Variants in POU2F1 observed in about 807,000 individuals in gnomAD.
The protein encoded by POU2F1 is POU class 2 homeobox 1.
Under a neutral mutation model 84.9 loss-of-function variants are expected in POU2F1, and 16 were observed. That is an observed-to-expected ratio of 0.19 (90% CI 0.13 to 0.29). POU2F1 has a LOEUF of 0.29. POU2F1 is among the 10% of genes least tolerant of loss of function. The probability of loss-of-function intolerance (pLI) is 1.00; values close to 1 mark genes in which losing one functional copy is unlikely to be tolerated. For synonymous variants in POU2F1, 368 were observed against 368.3 expected (o/e 1.00, Z 0.01); for missense variants, 738 against 942.6 (o/e 0.78, Z 2.84).
In POU2F1 at chr1:167,266,301, G is replaced by A. The variant is rs544704974; in HGVS notation, c.61+45343G>A. Among the ~76,000 whole-genome samples the A allele has an allele frequency of 1.1e-3, 174 of 152,284 alleles. 3 individuals are homozygous for A. Among genetic ancestry groups the A allele is most frequent in the Non-Finnish European group, 7.8e-4 (53 of 68,028 alleles). ...AAATTATCTTCCGAAGGTGGATTTG[G>A]AAATATCCAGTGCTTTCTGAATGCA... On this transcript the variant is annotated intron_variant, in intron 1 of 15. Transcript: ENST00000367866.
intron 1 of POU2F1, among the ~76,000 whole-genome samples, chr1:167,292,482 T>TAA (rs775819541): frequency 2.2e-5 from 3 of 135,866 alleles, no homozygotes; most frequent in Admixed American, 7.4e-5. Flanking sequence ...TGAATCAGTT[T>TAA]AAAAAAAAAA....
rs71073663 is a variant in POU2F1 at position 167,299,163 on chromosome 1, CAAAA to C, written c.62-33289_62-33286del. On this transcript the variant is annotated intron_variant, in intron 1 of 15. Transcript: ENST00000367866. The stretch of plus-strand genomic sequence containing the variant: ...GGACAACAAGAGTGAAACGCCATCT[CAAAA>C]AAAAAAAAAAAAAAAAAGAATTATG... 1.9e-3 allele frequency among the ~76,000 whole-genome samples: 186 copies of C among 96,820 alleles called. 2 individuals are homozygous for C. The highest frequency in any genetic ancestry group is 6.3e-3 in the South Asian group (19 of 3,018). 63.5% of individuals were successfully genotyped at this position (96,820 alleles called of 152,430 possible).
At position 167,426,159 on chromosome 1, in the gene POU2F1, G is replaced by A. The variant is rs781356188; in HGVS notation, c.*10349G>A. ...AACCTTAGACTCGTGTATTAAGTAC[G>A]ATTACCCAGCACTTGCATTAGTCTA... On this transcript the variant is annotated 3_prime_UTR_variant, in exon 16 of 16. Coordinates refer to ENST00000367866, the MANE Select transcript of POU2F1 (RefSeq NM_002697.4). 9 of 151,974 alleles carry A rather than the reference G, an allele frequency of 5.9e-5. No individual in the cohort carries two copies. Among genetic ancestry groups the A allele is most frequent in the African/African-American group, 1.7e-4 (7 of 41,344 alleles). 9.4% of individuals were successfully genotyped at this position (151,974 alleles called of 1,614,324 possible).
chr1:167,340,513 C>T (rs1412940675), intron 2 of POU2F1, among the ~76,000 whole-genome samples: 1 of 148,432 alleles, frequency 6.7e-6, no homozygotes, highest in African/African-American at 2.5e-5. Context: ...CTCACTGCAA[C>T]CTCCACCTCC....
intron 1 of POU2F1, among the ~76,000 whole-genome samples, chr1:167,230,906 TAAG>T (rs1649019279): frequency 6.6e-6 from 1 of 152,210 alleles, no homozygotes; most frequent in Non-Finnish European, 1.5e-5. Flanking sequence ...TTTTTCAACA[TAAG>T]AAGGCCCAAC....
In POU2F1 at chr1:167,415,921, A is replaced by C; in HGVS notation, c.*111A>C. Reference sequence around the variant, plus strand: ...ATTGGCTTCCTCTCGCCGTGTTGTGAGGGCAAAGGAGAGAAGGGAGAAAAA... The same window carrying C: ...ATTGGCTTCCTCTCGCCGTGTTGTGCGGGCAAAGGAGAGAAGGGAGAAAAA... On this transcript the variant is annotated 3_prime_UTR_variant, in exon 16 of 16. Coordinates refer to ENST00000367866, the MANE Select transcript of POU2F1 (RefSeq NM_002697.4). 1 of 635,492 alleles carries C rather than the reference A, an allele frequency of 1.6e-6. No individual in the cohort carries two copies. Among genetic ancestry groups the C allele is most frequent in the Non-Finnish European group, 2.5e-6 (1 of 397,264 alleles). 39.4% of individuals were successfully genotyped at this position (635,492 alleles called of 1,614,324 possible).
intron 1 of POU2F1, among the ~76,000 whole-genome samples, chr1:167,329,472 T>G (rs1278956097): frequency 2.0e-5 from 3 of 152,190 alleles, no homozygotes; most frequent in Non-Finnish European, 4.4e-5. Context: ...CAAGCTTACT[T>G]GAATTTGCAG....
rs1402775469 is a variant in POU2F1 at position 167,415,522 on chromosome 1, T to C, written c.2013T>C (p.Leu671=). The C allele has an allele frequency of 1.1e-5, 18 of 1,614,142 alleles. No homozygotes were observed. The highest frequency in any genetic ancestry group is 1.5e-5 in the Non-Finnish European group (18 of 1,180,014). Residue 671 remains leucine (L), a synonymous_variant, in exon 16 of 16, where the codon CTT becomes CTC. Transcript: ENST00000367866. ...TAGCTCTTGCTTCTGGTGGCTCTCT[T>C]CCAATAACATCACTTGATGCAACTG... ...TIQALASGGS[L]PITSLDATGN...
intron 13 of POU2F1, among the ~76,000 whole-genome samples, chr1:167,404,482 A>T (rs1320889436): frequency 2.6e-5 from 4 of 152,190 alleles, no homozygotes; most frequent in Non-Finnish European, 4.4e-5. Flanking sequence ...GCTTTCTGTC[A>T]TACTTTTCCA....
At chr1:167,366,008 G>C (rs551546147) in intron 3 of POU2F1, among the ~76,000 whole-genome samples, 1 of 152,146 alleles carries the variant, frequency 6.6e-6, no homozygotes. Flanking sequence ...AGAGGCTTTT[G>C]CTTGACTGTG....
intron 6 of POU2F1, among the ~76,000 whole-genome samples, chr1:167,374,681 C>G (rs1660212853): frequency 6.6e-6 from 1 of 152,104 alleles, no homozygotes. Flanking sequence ...AGTGAGTCAT[C>G]TCTGCTATGG....
At chr1:167,348,027 T>C (rs1690526997) in intron 2 of POU2F1, among the ~76,000 whole-genome samples, 2 of 152,202 alleles carry the variant, frequency 1.3e-5, no homozygotes, top group African/African-American at 4.8e-5. Context: ...TTTGAGTACT[T>C]GTTTTCATTT....
At chr1:167,242,660 A>T (rs1479637499) in intron 1 of POU2F1, among the ~76,000 whole-genome samples, 1 of 152,188 alleles carries the variant, frequency 6.6e-6, no homozygotes, top group Non-Finnish European at 1.5e-5. Context: ...CCGAATCAGG[A>T]GTCACAGCTT....
chr1:167,402,216 T>C (rs950277771), intron 13 of POU2F1, among the ~76,000 whole-genome samples: 12 of 152,230 alleles, frequency 7.9e-5, no homozygotes, highest in African/African-American at 2.7e-4. Context: ...TTTTTAGTGA[T>C]ACATAGTGCA....
intron 1 of POU2F1, among the ~76,000 whole-genome samples, chr1:167,223,874 G>T (rs1006173464): frequency 1.8e-4 from 28 of 152,216 alleles, no homozygotes; most frequent in African/African-American, 6.5e-4. Flanking sequence ...TTCCCAAGAT[G>T]TGGTCAAACT....
At chr1:167,410,062 G>A (rs1354279445) in intron 13 of POU2F1, among the ~76,000 whole-genome samples, 1 of 152,192 alleles carries the variant, frequency 6.6e-6, no homozygotes, top group Non-Finnish European at 1.5e-5. Flanking sequence ...TGTTCTGAGA[G>A]ATTTAGAACC....
At chr1:167,221,606 G>A (rs1175581560) in intron 1 of POU2F1, among the ~76,000 whole-genome samples, 1 of 150,514 alleles carries the variant, frequency 6.6e-6, no homozygotes, top group Admixed American at 6.6e-5. Context: ...GCAACCGGGG[G>A]TGCGCGCGGG....
At chr1:167,351,519 CAAAAAA>C (rs34170498) in intron 2 of POU2F1, among the ~76,000 whole-genome samples, 8 of 45,988 alleles carry the variant, frequency 1.7e-4, no homozygotes, top group Admixed American at 5.6e-4. Flanking sequence ...AGCACCATCT[CAAAAAA>C]AAAAAAAAAA....
chr1:167,343,180 C>A (rs142547175), intron 2 of POU2F1, among the ~76,000 whole-genome samples: 1 of 151,918 alleles, frequency 6.6e-6, no homozygotes, highest in East Asian at 1.9e-4. Context: ...GGGAGAAGGG[C>A]GCTATAATTA....
Sources: gnomAD v4.1 joint callset for allele counts (sites outside exome capture counted in the v4.1 genomes callset) on GRCh38, gnomAD v4.1.1 for gene constraint, MANE v1.5 for transcripts, NCBI Gene and HGNC (gene_info 2026-07-23, HGNC 2026-07-21) for gene names.